ZSCAN5A: variants seen among roughly 807,000 people sequenced by gnomAD.
ZSCAN5A encodes the protein zinc finger and SCAN domain containing 5A, also known as zinc finger and SCAN domain-containing protein 5A.
ZSCAN5A carries 12 observed loss-of-function variants against 23.7 expected under a neutral mutation model. The ratio of observed to expected loss-of-function variants is 0.51; its 90% CI spans 0.32 to 0.82. ZSCAN5A has a LOEUF of 0.82. ZSCAN5A is among the 40% of genes least tolerant of loss of function. The pLI is 0.03. For synonymous variants in ZSCAN5A, 257 were observed against 239.9 expected (o/e 1.07, Z -0.66); for missense variants, 597 against 617.9 (o/e 0.97, Z 0.36).
At chr19:56,309,504 A>G (rs960197876) in intron 2 of ZSCAN5A, among the ~76,000 whole-genome samples, 1 of 152,248 alleles carries the variant, frequency 6.6e-6, no homozygotes, top group Non-Finnish European at 1.5e-5. Context: ...AAACTTTATT[A>G]AAAGGGATGC....
intron 2 of ZSCAN5A, among the ~76,000 whole-genome samples, chr19:56,361,216 C>T (rs373279955): frequency 1.8e-3 from 280 of 152,210 alleles, no homozygotes; most frequent in Non-Finnish European, 3.0e-3. Context: ...CAGATGCTGG[C>T]GAGGTTGCAG....
chr19:56,356,499 C>T lies in ZSCAN5A; in HGVS notation c.-358+6736G>A, dbSNP rs550773945. On this transcript the variant is annotated intron_variant, in intron 2 of 6. Transcript: ENST00000587340. ...GAAACTGGGGAGTATAGATGAGGCT[C>T]ATGGAGCACAGAAGGAGCACAGGCT... Among the ~76,000 whole-genome samples the T allele has an allele frequency of 7.4e-5, 11 of 148,090 alleles. 2 individuals are homozygous for T. In the South Asian group the frequency reaches 2.4e-3, roughly 32 times the overall value.
At chr19:56,266,061 T>C (rs187699082) in intron 2 of ZSCAN5A, among the ~76,000 whole-genome samples, 23 of 152,328 alleles carry the variant, frequency 1.5e-4, no homozygotes, top group South Asian at 6.2e-4. Flanking sequence ...ATCCTACCTC[T>C]TCCAATTATT....
At chr19:56,248,812 AC>A (rs2036139576) in intron 2 of ZSCAN5A, among the ~76,000 whole-genome samples, 1 of 152,044 alleles carries the variant, frequency 6.6e-6, no homozygotes, top group Non-Finnish European at 1.5e-5. Context: ...CCCTCCCCAC[AC>A]GGCACAGCCT....
At chr19:56,311,655 T>A (rs2041042678) in intron 2 of ZSCAN5A, among the ~76,000 whole-genome samples, 1 of 152,164 alleles carries the variant, frequency 6.6e-6, no homozygotes, top group African/African-American at 2.4e-5. Context: ...GAGGTAAAGT[T>A]TAAATGAGAT....
At chr19:56,289,795 G>A (rs909899415) in intron 2 of ZSCAN5A, among the ~76,000 whole-genome samples, 3 of 152,058 alleles carry the variant, frequency 2.0e-5, no homozygotes, top group Non-Finnish European at 4.4e-5. Context: ...TTACATTTTT[G>A]TAGAGACAGG....
chr19:56,271,326 T>C (rs548638985), intron 2 of ZSCAN5A, among the ~76,000 whole-genome samples: 1 of 152,336 alleles, frequency 6.6e-6, no homozygotes, highest in African/African-American at 2.4e-5. Flanking sequence ...CAAACACAAA[T>C]GGTGTCAGTG....
At chr19:56,328,084 G>T (rs2041452947) in intron 2 of ZSCAN5A, among the ~76,000 whole-genome samples, 1 of 152,160 alleles carries the variant, frequency 6.6e-6, no homozygotes, top group African/African-American at 2.4e-5. Context: ...ATGTATGGGA[G>T]TAGCACAGTG....
In ZSCAN5A at chr19:56,222,359, A is replaced by G. The variant is rs749291821; in HGVS notation, c.740-33T>C. The G allele has an allele frequency of 8.7e-6, 14 of 1,602,468 alleles. No homozygotes were observed. The East Asian group carries it at 1.8e-4, about 20-fold the overall frequency. ...AAGGGATTCCACACACACAGTTAAT[A>G]AAGCGCATTTTCAATACACCAAACT... On this transcript the variant is annotated intron_variant, in intron 5 of 5. Transcript: ENST00000683990.
chr19:56,365,842 T>G (rs538955436), intron 1 of ZSCAN5A: 1 of 152,326 alleles, frequency 6.6e-6, no homozygotes, highest in African/African-American at 2.4e-5. Context: ...AATTAAAAAC[T>G]CCAAGAAGAC....
chr19:56,285,344 A>G (rs1441628546), intron 2 of ZSCAN5A, among the ~76,000 whole-genome samples: 1 of 152,236 alleles, frequency 6.6e-6, no homozygotes, highest in African/African-American at 2.4e-5. Context: ...TCTGCTCTCT[A>G]GAAGCAAGCA....
intron 2 of ZSCAN5A, among the ~76,000 whole-genome samples, chr19:56,334,462 T>A (rs995462743): frequency 2.6e-5 from 4 of 152,270 alleles, no homozygotes; most frequent in Non-Finnish European, 4.4e-5. Context: ...CCATTTATTT[T>A]TATTTTTTAT....
chr19:56,328,076 G>A (rs976590738), intron 2 of ZSCAN5A, among the ~76,000 whole-genome samples: 5 of 152,144 alleles, frequency 3.3e-5, no homozygotes, highest in African/African-American at 1.2e-4. Context: ...TAGTGGTCAT[G>A]TATGGGAGTA....
chr19:56,269,515 GA>G (rs2037698416), intron 2 of ZSCAN5A, among the ~76,000 whole-genome samples: 1 of 152,154 alleles, frequency 6.6e-6, no homozygotes, highest in Non-Finnish European at 1.5e-5. Flanking sequence ...TTAATCAGCT[GA>G]CCTTGTGGGG....
At chr19:56,333,412 G>A (rs1452040729) in intron 2 of ZSCAN5A, among the ~76,000 whole-genome samples, 3 of 149,600 alleles carry the variant, frequency 2.0e-5, no homozygotes, top group African/African-American at 4.9e-5. Context: ...TCCGAAATTC[G>A]TTCTTCTGCT....
chr19:56,248,372 C>T (rs749007894), intron 2 of ZSCAN5A, among the ~76,000 whole-genome samples: 2 of 152,112 alleles, frequency 1.3e-5, no homozygotes, highest in African/African-American at 2.4e-5. Context: ...GCAATTCTGC[C>T]GTCTTGGCCG....
chr19:56,326,932 T>G (rs145259816), intron 2 of ZSCAN5A, among the ~76,000 whole-genome samples: 91 of 152,276 alleles, frequency 6.0e-4, no homozygotes, highest in Admixed American at 1.9e-3. Context: ...TACCCATCAT[T>G]CACTCATCCA....
intron 2 of ZSCAN5A, among the ~76,000 whole-genome samples, chr19:56,311,550 A>G (rs1348469842): frequency 1.3e-5 from 2 of 152,244 alleles, no homozygotes; most frequent in East Asian, 3.8e-4. Flanking sequence ...CTGAAGCATC[A>G]GTTGGTATAT....
chr19:56,335,198 G>A lies in ZSCAN5A; in HGVS notation c.-357-18930C>T, dbSNP rs148773064. 1.6e-3 allele frequency among the ~76,000 whole-genome samples: 246 copies of A among 151,560 alleles called. 2 individuals are homozygous for A. In the East Asian group the frequency reaches 0.035, roughly 22 times the overall value. ...AGACCAAGCAGAGGAAAGAATCTCA[G>A]AGCTTGAAGACTGCCTTTCTGAAAT... is the stretch of plus-strand genomic sequence containing the variant. On this transcript the variant is annotated intron_variant, in intron 2 of 6. Coordinates refer to the ZSCAN5A transcript ENST00000587340.
Sources: gnomAD v4.1 joint callset for allele counts (sites outside exome capture counted in the v4.1 genomes callset) on GRCh38, gnomAD v4.1.1 for gene constraint, MANE v1.5 for transcripts, NCBI Gene and HGNC (gene_info 2026-07-23, HGNC 2026-07-21) for gene names.